DST: variants seen among roughly 807,000 people sequenced by gnomAD.
The protein encoded by DST is dystonin.
Under a neutral mutation model 875.2 loss-of-function variants are expected in DST, and 253 were observed. The observed-to-expected ratio is 0.29, with a 90% CI of 0.26 to 0.32. The LOEUF (loss-of-function observed/expected upper bound fraction) is 0.32, where lower values mean the gene tolerates loss of function less well. Ranked by LOEUF, DST falls within the 10% of genes least tolerant of loss-of-function variation. The pLI is 1.00. For missense variants in DST, 8,287 were observed against 9,111.6 expected, an observed-to-expected ratio of 0.91 and a Z score of 3.68; for synonymous variants, 3,124 against 3,197.1, an observed-to-expected ratio of 0.98 and a Z score of 0.77.
At chr6:56,852,057 A>C in intron 3 of DST, 3 of 1,405,846 alleles carry the variant, frequency 2.1e-6, no homozygotes, top group East Asian at 2.7e-5. Context: ...CAAAGCACAA[A>C]TGCAGGATGT....
chr6:56,844,643 G>A (rs894004525), intron 4 of DST, among the ~76,000 whole-genome samples: 2 of 152,168 alleles, frequency 1.3e-5, no homozygotes, highest in Admixed American at 1.3e-4. Flanking sequence ...GGGAGGCCGA[G>A]GCGGGTGGAT....
At chr6:56,783,622 G>A (rs919460120) in intron 4 of DST, among the ~76,000 whole-genome samples, 179 of 152,116 alleles carry the variant, frequency 1.2e-3, no homozygotes, top group African/African-American at 3.0e-3. Context: ...GTGTGTCTCT[G>A]CACGTGAGAT....
Position 56,900,766 on chromosome 6 carries a change from T to G in DST, c.217-145A>C, listed in dbSNP as rs1793666742. On this transcript the variant is annotated intron_variant, in intron 2 of 103. Transcript: ENST00000680361. The stretch of plus-strand genomic sequence containing the variant: ...TCCCAAAGTGAGCATGGAGGAGGCT[T>G]AACGTGCAAGTTAAGTTTTCCCCAC... The G allele has an allele frequency of 6.0e-6, 3 of 496,258 alleles. No individual in the cohort carries two copies. The Admixed American group carries it at 1.1e-4, about 19-fold the overall frequency. 30.7% of individuals were successfully genotyped at this position (496,258 alleles called of 1,614,324 possible).
intron 3 of DST, among the ~76,000 whole-genome samples, chr6:56,867,644 ACCCCGT>A (rs893618196): frequency 3.2e-4 from 49 of 152,270 alleles, no homozygotes; most frequent in African/African-American, 1.1e-3. Context: ...ACATGGTGAA[ACCCCGT>A]CTCTACTAAA....
intron 2 of DST, among the ~76,000 whole-genome samples, chr6:56,901,066 C>A (rs147698848): frequency 6.6e-6 from 1 of 152,018 alleles, no homozygotes; most frequent in South Asian, 2.1e-4. Context: ...AAGGAAAGAG[C>A]AGGAATGCCA....
chr6:56,533,297 G>A (rs1426813937), intron 63 of DST, among the ~76,000 whole-genome samples: 1 of 152,234 alleles, frequency 6.6e-6, no homozygotes, highest in African/African-American at 2.4e-5. Flanking sequence ...AATGGCTCAT[G>A]AGCAACTGCT....
intron 4 of DST, among the ~76,000 whole-genome samples, chr6:56,824,639 G>A (rs2099777378): frequency 6.6e-6 from 1 of 151,850 alleles, no homozygotes; most frequent in Non-Finnish European, 1.5e-5. Flanking sequence ...GATGTGAGGA[G>A]CGCCTCTGAC....
chr6:56,737,102 G>A (rs2099528028), intron 4 of DST, among the ~76,000 whole-genome samples: 1 of 152,206 alleles, frequency 6.6e-6, no homozygotes, highest in Non-Finnish European at 1.5e-5. Flanking sequence ...GCTGAGGTGG[G>A]CAAGTCATTT....
At chr6:56,811,672 T>A (rs1408777703) in intron 4 of DST, among the ~76,000 whole-genome samples, 1 of 152,214 alleles carries the variant, frequency 6.6e-6, no homozygotes, top group African/African-American at 2.4e-5. Flanking sequence ...CAAGGTGACC[T>A]GCCAAAGGTC....
intron 4 of DST, among the ~76,000 whole-genome samples, chr6:56,798,498 AAAG>A (rs1436763977): frequency 1.3e-5 from 2 of 152,240 alleles, no homozygotes; most frequent in African/African-American, 4.8e-5. Context: ...TCAGAAAAAA[AAAG>A]ATTTATTTCA....
chr6:56,493,132 G>C (rs1472987557), intron 83 of DST, 43 bp from the exon 84 acceptor site: 2 of 1,555,078 alleles, frequency 1.3e-6, no homozygotes, highest in Non-Finnish European at 1.7e-6. Flanking sequence ...TAAGGGCCTT[G>C]GTTATTTTGT....
intron 4 of DST, among the ~76,000 whole-genome samples, chr6:56,764,495 C>A (rs557148707): frequency 6.6e-6 from 1 of 152,318 alleles, no homozygotes; most frequent in South Asian, 2.1e-4. Context: ...ACTCATCTAG[C>A]TCCCTAACTT....
intron 55 of DST, among the ~76,000 whole-genome samples, chr6:56,568,058 C>G (rs1192765671): frequency 6.6e-6 from 1 of 151,900 alleles, no homozygotes; most frequent in Non-Finnish European, 1.5e-5. Context: ...TAGAAAAGGG[C>G]CTATTTCCTT....
At chr6:56,486,970 G>T in intron 87 of DST, 134 bp downstream of exon 87, 1 of 727,340 alleles carries the variant, frequency 1.4e-6, no homozygotes, top group Non-Finnish European at 2.2e-6. Flanking sequence ...ATGTGTGTGG[G>T]ATACTTAGGA....
Position 56,557,525 on chromosome 6 carries a change from G to A in DST, c.14441-7C>T, listed in dbSNP as rs41271866. ...AGTTCTTGCCACTTAGAATCTAAAA[G>A]AAAAAAAATGAAACTGGTGTTTGAC... is the stretch of plus-strand genomic sequence containing the variant. On this transcript the variant is annotated splice_polypyrimidine_tract_variant and splice_region_variant and intron_variant, in intron 58 of 103. Transcript: ENST00000680361. The A allele has an allele frequency of 1.0e-4, 151 of 1,499,816 alleles. No homozygotes were observed. Among genetic ancestry groups the A allele is most frequent in the Admixed American group, 1.3e-4 (7 of 53,956 alleles). 92.9% of individuals were successfully genotyped at this position (1,499,816 alleles called of 1,614,324 possible).
chr6:56,485,203 G>T, intron 88 of DST, 109 bp downstream of exon 88: 1 of 1,229,638 alleles, frequency 8.1e-7, no homozygotes, highest in Non-Finnish European at 1.2e-6. Context: ...CTGTTATGTA[G>T]TATGATCTAT....
intron 49 of DST, among the ~76,000 whole-genome samples, chr6:56,588,837 A>G (rs921180835): frequency 1.8e-4 from 27 of 152,328 alleles, no homozygotes; most frequent in African/African-American, 4.8e-4. Flanking sequence ...GATCTAGAAT[A>G]CCACAACCTA....
chr6:56,585,255 A>G (rs2098122885), intron 49 of DST, among the ~76,000 whole-genome samples: 1 of 152,200 alleles, frequency 6.6e-6, no homozygotes, highest in Non-Finnish European at 1.5e-5. Flanking sequence ...GCTATTGATT[A>G]TTGCCACAAT....
At chr6:56,482,507 T>A (rs926882207) in intron 89 of DST, 176 bp downstream of exon 89, 5 of 618,648 alleles carry the variant, frequency 8.1e-6, no homozygotes, top group Non-Finnish European at 1.3e-5. Flanking sequence ...CTAGCAGTAA[T>A]TTAAATTCAT....
Sources: allele counts gnomAD v4.1 joint callset (sites outside exome capture counted in the v4.1 genomes callset), GRCh38; gene constraint gnomAD v4.1.1; transcripts MANE v1.5; gene names NCBI Gene and HGNC (gene_info 2026-07-23, HGNC 2026-07-21).